BRAF: variants seen among roughly 807,000 people sequenced by gnomAD.
The protein encoded by BRAF is serine/threonine-protein kinase B-raf.
In BRAF, 16 loss-of-function variants were observed where a neutral mutation model predicts 104.6. The observed-to-expected ratio is 0.15, with a 90% confidence interval of 0.10 to 0.23. The LOEUF (loss-of-function observed/expected upper bound fraction) is 0.23, where lower values mean the gene tolerates loss of function less well. Ranked by LOEUF, BRAF falls within the 10% of genes least tolerant of loss-of-function variation. The pLI is 1.00. For missense variants in BRAF, 541 were observed against 937.3 expected (o/e 0.58, Z 5.52); for synonymous variants, 310 against 341.6 (o/e 0.91, Z 1.02).
intron 1 of BRAF, among the ~76,000 whole-genome samples, chr7:140,888,385 A>G (rs1813809945): frequency 6.8e-6 from 1 of 147,420 alleles, no homozygotes; most frequent in Admixed American, 6.6e-5. Flanking sequence ...TTTTAACTAA[A>G]CCTTATAGAA....
intron 1 of BRAF, among the ~76,000 whole-genome samples, chr7:140,895,486 T>C (rs944557707): frequency 5.3e-5 from 8 of 152,206 alleles, no homozygotes; most frequent in Admixed American, 4.6e-4. Context: ...TTATTAACTA[T>C]AGTCACCCTA....
chr7:140,795,868 T>C (rs150148503), intron 7 of BRAF, among the ~76,000 whole-genome samples: 1 of 152,230 alleles, frequency 6.6e-6, no homozygotes, highest in African/African-American at 2.4e-5. Flanking sequence ...AGGTCCTTTT[T>C]ATTTTTTCTG....
rs1265714510 is a variant in BRAF at position 140,777,091 on chromosome 7, G to A, written c.1638-3C>T. 4 of 1,613,428 alleles carry A rather than the reference G, an allele frequency of 2.5e-6. No individual in the cohort carries two copies. The South Asian group carries it at 4.4e-5, about 18-fold the overall frequency. Reference sequence around the variant, plus strand: ...GGATATTCACATGTCGTGTTTTCCTGTACAAAGAAATGTGACAGTAAACAT... The same window carrying A: ...GGATATTCACATGTCGTGTTTTCCTATACAAAGAAATGTGACAGTAAACAT... On this transcript the variant is annotated splice_region_variant and splice_polypyrimidine_tract_variant and intron_variant, in intron 13 of 19. Coordinates refer to ENST00000644969, the MANE Select transcript of BRAF (RefSeq NM_001374258.1).
chr7:140,719,262 A>G (rs148651748), downstream of BRAF: 1,099 of 687,462 alleles, frequency 1.6e-3, 2 homozygotes, highest in Non-Finnish European at 1.8e-3. Context: ...ATTGTCTAGA[A>G]AAACTGTTAA....
chr7:140,883,014 G>GTAAA (rs34394570), intron 1 of BRAF, among the ~76,000 whole-genome samples: 15,183 of 148,646 alleles, frequency 0.1, 1,361 homozygotes, highest in African/African-American at 0.24. Flanking sequence ...ATAAAATAAA[G>GTAAA]TAAATAAATA....
intron 3 of BRAF, among the ~76,000 whole-genome samples, chr7:140,819,401 GA>G (rs1805230748): frequency 6.6e-6 from 1 of 152,060 alleles, no homozygotes; most frequent in Non-Finnish European, 1.5e-5. Context: ...GCAGTGATGT[GA>G]AAAAAACAGA....
chr7:140,800,369 A>C lies in BRAF; in HGVS notation c.973T>G (p.Ser325Ala). The change falls in exon 7 of 20, where the codon TCT becomes GCT. Residue 325 changes from serine to alanine, a missense_variant. Ser to Ala is a moderately conservative substitution (Grantham distance 99). Coordinates refer to ENST00000644969, the MANE Select transcript of BRAF (RefSeq NM_001374258.1). The part of the protein sequence containing the change: ...GSSPSAPASD[S>A]IGPQILTSPS... ...GCAGAAGTCAAACCATACCCAATAG[A>C]GTCCGAGGCGGGTGCGGAAGGGGAT... is the stretch of plus-strand genomic sequence containing the variant. The C allele has an allele frequency of 6.2e-7, 1 of 1,614,138 alleles. No individual in the cohort carries two copies. The highest frequency in any genetic ancestry group is 8.5e-7 in the Non-Finnish European group (1 of 1,180,006).
chr7:140,806,330 A>C (rs939480109), intron 5 of BRAF, among the ~76,000 whole-genome samples: 2 of 152,182 alleles, frequency 1.3e-5, no homozygotes. Context: ...TGTTTATGAA[A>C]ATTTATTAAA....
intron 11 of BRAF, among the ~76,000 whole-genome samples, chr7:140,782,703 T>C (rs1800998936): frequency 6.6e-6 from 1 of 152,212 alleles, no homozygotes; most frequent in African/African-American, 2.4e-5. Flanking sequence ...TGTCCTTCAG[T>C]AGATATCTGA....
intron 14 of BRAF, among the ~76,000 whole-genome samples, chr7:140,768,365 T>C (rs1451022811): frequency 6.6e-6 from 1 of 152,248 alleles, no homozygotes; most frequent in Non-Finnish European, 1.5e-5. Context: ...ACAGTTTGAA[T>C]ATGGCTTGTC....
chr7:140,728,954 A>G (rs1795768983), intron 19 of BRAF, among the ~76,000 whole-genome samples: 1 of 151,774 alleles, frequency 6.6e-6, no homozygotes, highest in Non-Finnish European at 1.5e-5. Context: ...GGTTGGGCAC[A>G]GTGGTTCACG....
Position 140,721,039 on chromosome 7 carries a change from AGTT to A in BRAF, c.*5452_*5454del. On this transcript the variant is annotated 3_prime_UTR_variant, in exon 20 of 20. Transcript: ENST00000644969. ...ATACTACCATGAATAAACATATTTTAGTTGTTTTCAGAGCACTTCTATCTACAG... is the reference window on the plus strand; with the variant it reads ...ATACTACCATGAATAAACATATTTTAGTTTTCAGAGCACTTCTATCTACAG... 9.4e-7 allele frequency: 1 copy of A among 1,063,776 alleles called. No homozygotes were observed. The highest frequency in any genetic ancestry group is 1.1e-6 in the Non-Finnish European group (1 of 878,290). 65.9% of individuals were successfully genotyped at this position (1,063,776 alleles called of 1,614,324 possible).
chr7:140,765,624 C>G (rs1799237084), intron 14 of BRAF, among the ~76,000 whole-genome samples: 1 of 152,030 alleles, frequency 6.6e-6, no homozygotes. Context: ...ACAACCCTAT[C>G]AAAAAGTGGG....
rs1371331307 is a variant in BRAF at position 140,720,915 on chromosome 7, C to T, written c.*5579G>A. 48 of 1,065,912 alleles carry T rather than the reference C, an allele frequency of 4.5e-5. No homozygotes were observed. The highest frequency in any genetic ancestry group is 5.5e-5 in the Non-Finnish European group (48 of 879,714). The allele number at this position is 1,065,912 out of a possible 1,614,324, so 66.0% of individuals were successfully genotyped here. A position where few individuals can be genotyped will look rare whatever the true frequency, so the allele number is the denominator to read the frequency against. On this transcript the variant is annotated 3_prime_UTR_variant, in exon 20 of 20. Coordinates refer to ENST00000644969, the MANE Select transcript of BRAF (RefSeq NM_001374258.1). ...TCTCTTCACAAATTTTCTGCCAACT[C>T]TCCCGCATATGTGCTGTACATGAGA...
intron 18 of BRAF, among the ~76,000 whole-genome samples, chr7:140,738,102 C>T (rs904706394): frequency 1.8e-4 from 27 of 152,012 alleles, no homozygotes; most frequent in Non-Finnish European, 3.5e-4. Flanking sequence ...ACAGTCTCAA[C>T]CCAGAGGTTT....
At chr7:140,821,065 A>G (rs1270769066) in intron 3 of BRAF, among the ~76,000 whole-genome samples, 2 of 152,178 alleles carry the variant, frequency 1.3e-5, no homozygotes, top group Non-Finnish European at 2.9e-5. Flanking sequence ...CAGCAGCACA[A>G]TCATACCTTA....
Position 140,887,625 on chromosome 7 carries a change from G to A in BRAF, c.138+36941C>T, listed in dbSNP as rs74666102. ...AAAATAGGTATGCACATACACCTGAGGGCCCATAGGAAGACTCTTTTTTGG... is the reference window on the plus strand; with the variant it reads ...AAAATAGGTATGCACATACACCTGAAGGCCCATAGGAAGACTCTTTTTTGG... On this transcript the variant is annotated intron_variant, in intron 1 of 19. Transcript: ENST00000644969. Among the ~76,000 whole-genome samples, 698 of 152,064 alleles carry A rather than the reference G, an allele frequency of 4.6e-3. 5 individuals carry two copies. Among genetic ancestry groups the A allele is most frequent in the African/African-American group, 0.016 (664 of 41,542 alleles).
chr7:140,839,840 T>C (rs955622491), intron 2 of BRAF, among the ~76,000 whole-genome samples: 1 of 152,258 alleles, frequency 6.6e-6, no homozygotes, highest in Non-Finnish European at 1.5e-5. Flanking sequence ...TAGACAATCC[T>C]GAGTGGAACT....
chr7:140,794,272 G>T, intron 8 of BRAF, 36 bp downstream of exon 8: 1 of 1,606,354 alleles, frequency 6.2e-7, no homozygotes, highest in South Asian at 1.1e-5. Flanking sequence ...ATACATACTT[G>T]GTTTTTTTTT....
Sources: gnomAD v4.1 joint callset for allele counts (sites outside exome capture counted in the v4.1 genomes callset) on GRCh38, gnomAD v4.1.1 for gene constraint, MANE v1.5 for transcripts, NCBI Gene and HGNC (gene_info 2026-07-23, HGNC 2026-07-21) for gene names.